Variants in FBXL7 observed in about 807,000 individuals in gnomAD.
FBXL7 encodes the protein F-box and leucine rich repeat protein 7, also known as F-box/LRR-repeat protein 7.
In FBXL7, 12 loss-of-function variants were observed where a neutral mutation model predicts 38.3. That is an observed-to-expected ratio of 0.31 (90% CI 0.20 to 0.51). The LOEUF is 0.51. Ranked by LOEUF, FBXL7 falls within the 20% of genes least tolerant of loss-of-function variation. The probability of loss-of-function intolerance (pLI) is 0.98; values close to 1 mark genes in which losing one functional copy is unlikely to be tolerated. For synonymous variants in FBXL7, 297 were observed against 300.9 expected, an observed-to-expected ratio of 0.99 and a Z score of 0.13; for missense variants, 567 against 676.4, an observed-to-expected ratio of 0.84 and a Z score of 1.79.
intron 1 of FBXL7, among the ~76,000 whole-genome samples, chr5:15,515,725 G>A (rs1736916968): frequency 6.6e-6 from 1 of 152,100 alleles, no homozygotes; most frequent in Non-Finnish European, 1.5e-5. Context: ...ATTAAACGAG[G>A]GACCAATGGC....
chr5:15,695,130 T>C (rs1743294611), intron 2 of FBXL7, among the ~76,000 whole-genome samples: 2 of 152,174 alleles, frequency 1.3e-5, no homozygotes, highest in Non-Finnish European at 2.9e-5. Context: ...TAATAACTTT[T>C]TACTTTTAGA....
intron 1 of FBXL7, among the ~76,000 whole-genome samples, chr5:15,584,286 T>C (rs1342279234): frequency 6.6e-6 from 1 of 152,244 alleles, no homozygotes; most frequent in African/African-American, 2.4e-5. Context: ...TGACTCCTTG[T>C]TACTTATGAA....
At chr5:15,795,980 A>T (rs1737406423) in intron 2 of FBXL7, among the ~76,000 whole-genome samples, 1 of 152,198 alleles carries the variant, frequency 6.6e-6, no homozygotes, top group African/African-American at 2.4e-5. Context: ...AATAACCCAT[A>T]ATCTATTTTG....
chr5:15,736,225 T>C, intron 2 of FBXL7, among the ~76,000 whole-genome samples: 1 of 152,206 alleles, frequency 6.6e-6, no homozygotes, highest in Admixed American at 6.5e-5. Context: ...ATAAATGTGA[T>C]ATAGTGTAGC....
chr5:15,627,070 T>C (rs1740845686), intron 2 of FBXL7, among the ~76,000 whole-genome samples: 1 of 152,158 alleles, frequency 6.6e-6, no homozygotes. Flanking sequence ...CGGTGGAGCA[T>C]GCACCCTGCT....
chr5:15,861,525 A>G (rs539822115), intron 2 of FBXL7, among the ~76,000 whole-genome samples: 24 of 152,224 alleles, frequency 1.6e-4, no homozygotes, highest in Non-Finnish European at 2.9e-4. Flanking sequence ...ACTACACTGT[A>G]CTTGGTGATT....
At chr5:15,863,942 G>T in intron 2 of FBXL7, among the ~76,000 whole-genome samples, 1 of 152,150 alleles carries the variant, frequency 6.6e-6, no homozygotes, top group East Asian at 1.9e-4. Context: ...TTCTAGAGTT[G>T]TAGGTGGTTC....
chr5:15,514,215 T>A (rs1289763010), intron 1 of FBXL7, among the ~76,000 whole-genome samples: 2 of 152,320 alleles, frequency 1.3e-5, no homozygotes, highest in East Asian at 3.9e-4. Context: ...ACTGAATAAT[T>A]GTATTCAATC....
At chr5:15,878,703 G>A (rs1740316043) in intron 2 of FBXL7, among the ~76,000 whole-genome samples, 1 of 152,148 alleles carries the variant, frequency 6.6e-6, no homozygotes, top group African/African-American at 2.4e-5. Flanking sequence ...GTCAATTAAA[G>A]AATGTGATGG....
rs1246922030 is a variant in FBXL7 at position 15,502,145 on chromosome 5, T to G, written c.37+1432T>G. On this transcript the variant is annotated intron_variant, in intron 1 of 3. Transcript: ENST00000504595. Reference sequence around the variant, plus strand: ...TTCAGGATATAATTGTAGCATGTGCTTGTCAGTTCTGGGTGTATGCTAGTT... The same window carrying G: ...TTCAGGATATAATTGTAGCATGTGCGTGTCAGTTCTGGGTGTATGCTAGTT... Among the ~76,000 whole-genome samples, 2 of 152,124 alleles carry G rather than the reference T, an allele frequency of 1.3e-5. 1 individual carries two copies. The highest frequency in any genetic ancestry group is 4.1e-4 in the South Asian group (2 of 4,824).
At chr5:15,873,430 G>C (rs1326434873) in intron 2 of FBXL7, among the ~76,000 whole-genome samples, 1 of 151,968 alleles carries the variant, frequency 6.6e-6, no homozygotes, top group Non-Finnish European at 1.5e-5. Flanking sequence ...AACTGAGGGA[G>C]ATAGAGACAC....
At chr5:15,685,015 C>G (rs1458494902) in intron 2 of FBXL7, among the ~76,000 whole-genome samples, 1 of 151,998 alleles carries the variant, frequency 6.6e-6, no homozygotes, top group Non-Finnish European at 1.5e-5. Context: ...AAGCATTTCT[C>G]TGAATAAAGA....
At chr5:15,880,614 A>G (rs1740404958) in intron 2 of FBXL7, among the ~76,000 whole-genome samples, 1 of 151,420 alleles carries the variant, frequency 6.6e-6, no homozygotes, top group African/African-American at 2.4e-5. Flanking sequence ...TTTGATTATA[A>G]TTTGCAAAAC....
intron 2 of FBXL7, among the ~76,000 whole-genome samples, chr5:15,782,287 T>A (rs1023305335): frequency 2.0e-5 from 3 of 152,172 alleles, no homozygotes; most frequent in Non-Finnish European, 4.4e-5. Context: ...GCAATAAACA[T>A]GTGTGTGCAT....
intron 1 of FBXL7, among the ~76,000 whole-genome samples, chr5:15,530,526 A>G (rs1423166558): frequency 6.6e-6 from 1 of 152,184 alleles, no homozygotes; most frequent in Non-Finnish European, 1.5e-5. Flanking sequence ...ACAGATTCCC[A>G]GATAAGTAGA....
chr5:15,541,041 T>G (rs1304200515), intron 1 of FBXL7, among the ~76,000 whole-genome samples: 3 of 150,412 alleles, frequency 2.0e-5, no homozygotes, highest in Non-Finnish European at 2.9e-5. Context: ...TATATGTATA[T>G]GTGTCGGAAT....
intron 2 of FBXL7, among the ~76,000 whole-genome samples, chr5:15,690,407 T>C (rs1743147338): frequency 6.6e-6 from 1 of 152,212 alleles, no homozygotes; most frequent in Admixed American, 6.5e-5. Context: ...AATTTTATTT[T>C]TAGTTGACAC....
At chr5:15,769,916 A>G (rs1365479874) in intron 2 of FBXL7, among the ~76,000 whole-genome samples, 1 of 152,174 alleles carries the variant, frequency 6.6e-6, no homozygotes, top group Non-Finnish European at 1.5e-5. Context: ...TACCTTTGAA[A>G]CTTTTTTTGT....
At chr5:15,652,256 T>G (rs1418736353) in intron 2 of FBXL7, among the ~76,000 whole-genome samples, 2 of 152,212 alleles carry the variant, frequency 1.3e-5, no homozygotes, top group Non-Finnish European at 2.9e-5. Context: ...AGTAGCATTT[T>G]TAGTTTCCTT....
Sources: gnomAD v4.1 joint callset for allele counts (sites outside exome capture counted in the v4.1 genomes callset) on GRCh38, gnomAD v4.1.1 for gene constraint, MANE v1.5 for transcripts, NCBI Gene and HGNC (gene_info 2026-07-23, HGNC 2026-07-21) for gene names.